The following SELE variants were observed in gnomAD, a reference collection of about 807,000 sequenced individuals.
SELE encodes selectin E.
SELE carries 52 observed loss-of-function variants against 75.8 expected under a neutral mutation model. That is an observed-to-expected ratio of 0.69 (90% CI 0.55 to 0.86). The LOEUF (loss-of-function observed/expected upper bound fraction) is 0.86, where lower values mean the gene tolerates loss of function less well. SELE is among the 40% of genes least tolerant of loss of function. The pLI, the probability that SELE is intolerant of heterozygous loss-of-function variation, is 0.00. For missense variants in SELE, 754 were observed against 732.7 expected, an observed-to-expected ratio of 1.03 and a Z score of -0.34; for synonymous variants, 285 against 258.7, an observed-to-expected ratio of 1.10 and a Z score of -0.98.
chr1:169,725,994 A>T, intron 11 of SELE, 66 bp from the exon 12 acceptor site: 1 of 1,563,798 alleles, frequency 6.4e-7, no homozygotes, highest in Non-Finnish European at 8.8e-7. Context: ...TATTAAATCC[A>T]GATACAATAT....
In SELE at chr1:169,724,480, A is replaced by T. The variant is rs1198196347; in HGVS notation, c.*45T>A. 1.3e-5 allele frequency: 2 copies of T among 152,238 alleles called. No individual in the cohort carries two copies. The highest frequency in any genetic ancestry group is 4.8e-5 in the African/African-American group (2 of 41,468). The allele number at this position is 152,238 out of a possible 1,614,324, so 9.4% of individuals were successfully genotyped here. ...TATCTGTCTCTGTTAACTTCAGTGTATCCCTCTAGTTCCCCAGATGCACCT... is the reference window on the plus strand; with the variant it reads ...TATCTGTCTCTGTTAACTTCAGTGTTTCCCTCTAGTTCCCCAGATGCACCT... On this transcript the variant is annotated 3_prime_UTR_variant, in exon 14 of 14. Transcript: ENST00000333360.
rs760747020 is a variant in SELE at position 169,729,283 on chromosome 1, G to A, written c.993C>T (p.Cys331=). ...TGAAGCCTTCCTCACAGGTGAAGTTGCAGGATGATTTGAAGGTGAACTCTC... is the reference window on the plus strand; with the variant it reads ...TGAAGCCTTCCTCACAGGTGAAGTTACAGGATGATTTGAAGGTGAACTCTC... The part of the protein sequence containing the change: ...PAGEFTFKSS[C]NFTCEEGFML... Residue 331 remains cysteine, a synonymous_variant, in exon 7 of 14, where the codon TGC becomes TGT. Transcript: ENST00000333360. The A allele has an allele frequency of 5.6e-6, 9 of 1,613,996 alleles. No homozygotes were observed. The South Asian group carries it at 9.9e-5, about 18-fold the overall frequency.
chr1:169,726,819 G>T lies in SELE; in HGVS notation c.1646-13C>A, dbSNP rs1159743621. ...GACTCAGTGGGAGCTAAGGAAGTAA[G>T]AGACGAAGAAAGGTCATGAGGAAGA... On this transcript the variant is annotated splice_polypyrimidine_tract_variant and intron_variant, in intron 10 of 13. Transcript: ENST00000333360. 6.3e-7 allele frequency: 1 copy of T among 1,586,960 alleles called. No homozygotes were observed.
rs776937915 is a variant in SELE, at chr1:169,730,517, A to G, written c.630T>C (p.Cys210=). Reference sequence around the variant, plus strand: ...TGCTGCTTGGCAGGTAACCCCTATCACAGCTGATAGAGCAGGAAGAATTGT... The same window carrying G: ...TGCTGCTTGGCAGGTAACCCCTATCGCAGCTGATAGAGCAGGAAGAATTGT... The part of the protein sequence containing the change: ...FSYNSSCSIS[C]DRGYLPSSME... The change falls in exon 5 of 14, where the codon TGT becomes TGC. Residue 210 remains cysteine (C), a synonymous_variant. Coordinates refer to ENST00000333360, the MANE Select transcript of SELE (RefSeq NM_000450.2). 2 of 1,614,008 alleles carry G rather than the reference A, an allele frequency of 1.2e-6. No homozygotes were observed. The highest frequency in any genetic ancestry group is 8.5e-7 in the Non-Finnish European group (1 of 1,179,976).
intron 11 of SELE, among the ~76,000 whole-genome samples, chr1:169,726,398 T>G (rs1466731266): frequency 6.6e-6 from 1 of 152,214 alleles, no homozygotes; most frequent in Non-Finnish European, 1.5e-5. Flanking sequence ...TTATCCATTT[T>G]CCTTAGAGTG....
At position 169,723,476 on chromosome 1, in the gene SELE, T is replaced by G. The variant is rs1004525427; in HGVS notation, c.*1049A>C. On this transcript the variant is annotated 3_prime_UTR_variant, in exon 14 of 14. Coordinates refer to ENST00000333360, the MANE Select transcript of SELE (RefSeq NM_000450.2). ...TCATAAAATTATACCTTTGTGTGTT[T>G]GCATTTATGCTTTTATTAGTTCAAA... 9.2e-5 allele frequency: 14 copies of G among 152,260 alleles called. No homozygotes were observed. The highest frequency in any genetic ancestry group is 7.8e-4 in the Admixed American group (12 of 15,288). 9.4% of individuals were successfully genotyped at this position (152,260 alleles called of 1,614,324 possible).
At chr1:169,726,274 C>T (rs1176762004) in intron 11 of SELE, among the ~76,000 whole-genome samples, 1 of 152,214 alleles carries the variant, frequency 6.6e-6, no homozygotes, top group Non-Finnish European at 1.5e-5. Flanking sequence ...TTTAAGTACT[C>T]TTAAACATGT....
At position 169,729,387 on chromosome 1, in the gene SELE, T is replaced by C. The variant is rs1648852585; in HGVS notation, c.902-13A>G. ...CTGCATGTCACAGCTGTAACAAATA[T>C]ACGCATTGATATTAGCACGGCCTAG... On this transcript the variant is annotated splice_polypyrimidine_tract_variant and intron_variant, in intron 6 of 13. Transcript: ENST00000333360. The C allele has an allele frequency of 6.2e-7, 1 of 1,612,526 alleles. No homozygotes were observed.
In SELE at chr1:169,732,937, A is replaced by G. The variant is rs969271257; in HGVS notation, c.99T>C (p.Tyr33=). 4 of 1,613,448 alleles carry G rather than the reference A, an allele frequency of 2.5e-6. No individual in the cohort carries two copies. The highest frequency in any genetic ancestry group is 3.4e-6 in the Non-Finnish European group (4 of 1,179,890). The part of the protein sequence containing the change: ...SYNTSTEAMT[Y]DEASAYCQQR... Reference sequence around the variant, plus strand: ...GCTGACAATAAGCACTGGCCTCATCATAAGTCATAGCTTCCGTGGAGGTGT... The same window carrying G: ...GCTGACAATAAGCACTGGCCTCATCGTAAGTCATAGCTTCCGTGGAGGTGT... Residue 33 remains tyrosine, a synonymous_variant, in exon 3 of 14, where the codon TAT becomes TAC. Transcript: ENST00000333360.
At chr1:169,733,335 T>C (rs1325360347) in intron 2 of SELE, among the ~76,000 whole-genome samples, 1 of 152,058 alleles carries the variant, frequency 6.6e-6, no homozygotes, top group Non-Finnish European at 1.5e-5. Context: ...ACCATGCTAT[T>C]GAATCCTCAC....
At position 169,729,606 on chromosome 1, in the gene SELE, G is replaced by A; in HGVS notation, c.783C>T (p.Ser261=). The A allele has an allele frequency of 1.9e-6, 3 of 1,614,172 alleles. No homozygotes were observed. Among genetic ancestry groups the A allele is most frequent in the Non-Finnish European group, 1.7e-6 (2 of 1,180,032 alleles). ...ATGTACAGGTTGTGTTCCATGGGAA[G>A]CTTCCAGGGTTTTGGAAACATTCCA... ...GFVECFQNPG[S]FPWNTTCTFD... The change falls in exon 6 of 14, where the codon AGC becomes AGT. Residue 261 remains serine, a synonymous_variant. Coordinates refer to ENST00000333360, the MANE Select transcript of SELE (RefSeq NM_000450.2).
intron 5 of SELE, 55 bp downstream of exon 5, chr1:169,730,377 A>G: frequency 7.3e-7 from 1 of 1,378,604 alleles, no homozygotes; most frequent in Middle Eastern, 1.9e-4. Context: ...ATCAAAAAAC[A>G]GAAGCAATGA....
At chr1:169,727,683 A>G in intron 9 of SELE, 56 bp downstream of exon 9, 1 of 1,573,576 alleles carries the variant, frequency 6.4e-7, no homozygotes, top group Non-Finnish European at 8.7e-7. Context: ...ATCTAGGTTC[A>G]GAAACTTTAT....
intron 11 of SELE, 91 bp downstream of exon 11, chr1:169,726,608 G>T: frequency 2.2e-6 from 2 of 895,582 alleles, no homozygotes; most frequent in Non-Finnish European, 3.6e-6. Flanking sequence ...TCTAATTATT[G>T]TTTAAATCAG....
At chr1:169,727,318 A>G (rs1280789688) in intron 10 of SELE, 31 bp downstream of exon 10, 4 of 1,580,836 alleles carry the variant, frequency 2.5e-6, no homozygotes, top group Admixed American at 1.8e-5. Flanking sequence ...CTTTTTAATC[A>G]CCAGACAACC....
In SELE at chr1:169,727,504, G is replaced by A. The variant is rs763174875; in HGVS notation, c.1490C>T (p.Ala497Val). Residue 497 changes from alanine to valine, a missense_variant, in exon 10 of 14, where the codon GCA (alanine) becomes GTA (valine). By Grantham distance (64) the Ala-to-Val change is moderately conservative. Coordinates refer to ENST00000333360, the MANE Select transcript of SELE (RefSeq NM_000450.2). ...SCQVVKCSSL[A>V]VPGKINMSCS... is the part of the protein sequence containing the mutation. ...GCTCATGTTGATCTTTCCCGGAACTGCCAGGCTTGAACATTTTACCACTGC... is the reference window on the plus strand; with the variant it reads ...GCTCATGTTGATCTTTCCCGGAACTACCAGGCTTGAACATTTTACCACTGC... The A allele has an allele frequency of 3.2e-5, 51 of 1,613,686 alleles. No individual in the cohort carries two copies. The highest frequency in any genetic ancestry group is 5.0e-5 in the Admixed American group (3 of 59,950).
chr1:169,727,697 G>A (rs757931702), intron 9 of SELE, 42 bp downstream of exon 9: 7 of 1,591,798 alleles, frequency 4.4e-6, no homozygotes, highest in Non-Finnish European at 6.0e-6. Context: ...ACTTTATGAA[G>A]TATTTGACCT....
At position 169,727,852 on chromosome 1, in the gene SELE, G is replaced by C. The variant is rs1030040398; in HGVS notation, c.1355C>G (p.Thr452Ser). The C allele has an allele frequency of 3.7e-6, 6 of 1,614,148 alleles. No homozygotes were observed. The highest frequency in any genetic ancestry group is 1.1e-5 in the South Asian group (1 of 91,080). Residue 452 changes from threonine to serine, a missense_variant, in exon 9 of 14, where the codon ACC becomes AGC. Coordinates refer to ENST00000333360, the MANE Select transcript of SELE (RefSeq NM_000450.2). ...GCTGAAGGCACAAGAGGACTTGTAG[G>C]TGAATTCTCCAATAGGGGAATGAGC... is the stretch of plus-strand genomic sequence containing the variant. Reference protein sequence around the residue: ...RCAHSPIGEFTYKSSCAFSCE... With the variant: ...RCAHSPIGEFSYKSSCAFSCE...
At chr1:169,733,775 G>C in intron 1 of SELE, 115 bp from the exon 2 acceptor site, 1 of 635,424 alleles carries the variant, frequency 1.6e-6, no homozygotes, top group Non-Finnish European at 2.8e-6. Context: ...GGACACTAGT[G>C]CAATAATCTT....
Sources: gnomAD v4.1 joint callset for allele counts (sites outside exome capture counted in the v4.1 genomes callset) on GRCh38, gnomAD v4.1.1 for gene constraint, MANE v1.5 for transcripts, NCBI Gene and HGNC (gene_info 2026-07-23, HGNC 2026-07-21) for gene names.